The following DAB1 variants were observed in gnomAD, a reference collection of about 807,000 sequenced individuals.
The protein encoded by DAB1 is DAB adaptor protein 1.
DAB1 carries 15 observed loss-of-function variants against 64.6 expected under a neutral mutation model. The observed-to-expected ratio is 0.23, with a 90% CI of 0.16 to 0.36. The LOEUF (loss-of-function observed/expected upper bound fraction) is 0.36, where lower values mean the gene tolerates loss of function less well. Ranked by LOEUF, DAB1 falls within the 10% of genes least tolerant of loss-of-function variation. The pLI, the probability that DAB1 is intolerant of heterozygous loss-of-function variation, is 1.00. For missense variants in DAB1, 596 were observed against 706.7 expected (o/e 0.84, Z 1.78); for synonymous variants, 235 against 251.9 (o/e 0.93, Z 0.64).
chr1:58,197,571 T>G (rs1476805015), intron 4 of DAB1, among the ~76,000 whole-genome samples: 2 of 151,994 alleles, frequency 1.3e-5, no homozygotes, highest in South Asian at 2.1e-4. Context: ...TTTTTTGTGT[T>G]TTTTAGTAGA....
chr1:57,482,014 T>G (rs1047091499), intron 7 of DAB1, among the ~76,000 whole-genome samples: 1 of 152,138 alleles, frequency 6.6e-6, no homozygotes, highest in Non-Finnish European at 1.5e-5. Flanking sequence ...ATTTAACACA[T>G]GGATTCATGA....
intron 1 of DAB1, among the ~76,000 whole-genome samples, chr1:57,385,857 C>T (rs191528653): frequency 6.6e-6 from 1 of 152,244 alleles, no homozygotes; most frequent in African/African-American, 2.4e-5. Flanking sequence ...TCTCATTTTG[C>T]TTACAAAGGA....
At chr1:57,378,622 A>G (rs1215208223) in intron 1 of DAB1, among the ~76,000 whole-genome samples, 2 of 152,208 alleles carry the variant, frequency 1.3e-5, no homozygotes, top group Non-Finnish European at 2.9e-5. Flanking sequence ...TCTGTGTATT[A>G]GAAGGATGGA....
intron 2 of DAB1, among the ~76,000 whole-genome samples, chr1:57,190,322 A>T (rs1008972909): frequency 6.6e-6 from 1 of 152,166 alleles, no homozygotes; most frequent in African/African-American, 2.4e-5. Flanking sequence ...TAACCAACAT[A>T]TGCCAAGTGT....
intron 4 of DAB1, among the ~76,000 whole-genome samples, chr1:58,279,760 C>A (rs931003459): frequency 1.3e-5 from 2 of 152,104 alleles, no homozygotes; most frequent in Non-Finnish European, 2.9e-5. Flanking sequence ...TGCTTATCTG[C>A]CCAAAGGTAG....
intron 9 of DAB1, among the ~76,000 whole-genome samples, chr1:57,054,713 C>G (rs575811559): frequency 6.6e-6 from 1 of 152,076 alleles, no homozygotes; most frequent in Admixed American, 6.5e-5. Context: ...CTCCTGACTT[C>G]GTGATCCACC....
intron 2 of DAB1, among the ~76,000 whole-genome samples, chr1:57,187,204 T>C (rs1042662405): frequency 1.3e-5 from 2 of 152,208 alleles, no homozygotes; most frequent in African/African-American, 4.8e-5. Context: ...GTTGTCTTTT[T>C]TTCCTTTGAC....
intron 7 of DAB1, among the ~76,000 whole-genome samples, chr1:57,506,661 G>T (rs1234950135): frequency 2.0e-5 from 3 of 152,292 alleles, no homozygotes; most frequent in African/African-American, 7.2e-5. Context: ...CCTCCCCAGA[G>T]TTCCTGCCAC....
chr1:57,524,745 T>C (rs1055792633), intron 7 of DAB1, among the ~76,000 whole-genome samples: 1 of 152,184 alleles, frequency 6.6e-6, no homozygotes, highest in Non-Finnish European at 1.5e-5. Context: ...TGTCATCAGT[T>C]AAGGTTATTT....
chr1:58,495,443 T>C (rs1228326757), intron 3 of DAB1, among the ~76,000 whole-genome samples: 2 of 152,026 alleles, frequency 1.3e-5, no homozygotes, highest in African/African-American at 2.4e-5. Flanking sequence ...CATTCCTTTT[T>C]TTAGGATTTA....
intron 1 of DAB1, among the ~76,000 whole-genome samples, chr1:57,423,328 G>A (rs1685075757): frequency 6.6e-6 from 1 of 152,146 alleles, no homozygotes; most frequent in Middle Eastern, 3.4e-3. Flanking sequence ...TCCGAAGAAA[G>A]GCCGGGGTCC....
intron 6 of DAB1, among the ~76,000 whole-genome samples, chr1:57,772,409 T>C (rs145793039): frequency 1.4e-3 from 213 of 152,290 alleles, no homozygotes; most frequent in African/African-American, 4.9e-3. Flanking sequence ...CAGCTCAAAA[T>C]GGACTAAGAC....
chr1:58,321,828 G>C (rs970129497), intron 4 of DAB1, among the ~76,000 whole-genome samples: 14 of 152,242 alleles, frequency 9.2e-5, no homozygotes, highest in African/African-American at 3.1e-4. Flanking sequence ...CCACCCCTGG[G>C]GGCAGGGCAT....
intron 1 of DAB1, among the ~76,000 whole-genome samples, chr1:57,306,513 CTTTTTTTTTTT>C (rs1166241090): frequency 8.7e-6 from 1 of 114,344 alleles, no homozygotes; most frequent in Non-Finnish European, 1.8e-5. Context: ...TTAGAACAGG[CTTTTTTTTTTT>C]TTTTTTTTTT....
chr1:57,246,147 T>C (rs1267594313), intron 2 of DAB1, among the ~76,000 whole-genome samples: 1 of 152,158 alleles, frequency 6.6e-6, no homozygotes, highest in African/African-American at 2.4e-5. Flanking sequence ...TTAACAGCCA[T>C]GATAATGGGG....
intron 3 of DAB1, among the ~76,000 whole-genome samples, chr1:58,382,016 T>C (rs1280771426): frequency 6.6e-6 from 1 of 152,196 alleles, no homozygotes; most frequent in Non-Finnish European, 1.5e-5. Flanking sequence ...AAAGGTCTAA[T>C]AACTATTTGC....
chr1:57,958,848 T>TA (rs1645451088), intron 5 of DAB1, among the ~76,000 whole-genome samples: 1 of 152,220 alleles, frequency 6.6e-6, no homozygotes, highest in Non-Finnish European at 1.5e-5. Context: ...TCCCTTTTTA[T>TA]AAGGATGCCA....
chr1:58,372,724 C>T (rs1019719606), intron 3 of DAB1, among the ~76,000 whole-genome samples: 1 of 152,132 alleles, frequency 6.6e-6, no homozygotes, highest in Non-Finnish European at 1.5e-5. Context: ...GGTGGTTTCC[C>T]CCATGCTGCT....
intron 5 of DAB1, among the ~76,000 whole-genome samples, chr1:57,966,410 G>A (rs1375087701): frequency 2.0e-5 from 3 of 152,074 alleles, no homozygotes; most frequent in Non-Finnish European, 4.4e-5. Flanking sequence ...CCTGCTGGAG[G>A]AGAATATGCC....
Sources: gnomAD v4.1 joint callset for allele counts (sites outside exome capture counted in the v4.1 genomes callset) on GRCh38, gnomAD v4.1.1 for gene constraint, MANE v1.5 for transcripts, NCBI Gene and HGNC (gene_info 2026-07-23, HGNC 2026-07-21) for gene names.